The following FAT4 variants were observed in gnomAD, a reference collection of about 807,000 sequenced individuals.
FAT4 encodes protocadherin Fat 4.
A neutral mutation model predicts 303.9 loss-of-function variants in FAT4; 84 were observed. The ratio of observed to expected loss-of-function variants is 0.28; its 90% CI spans 0.23 to 0.33. FAT4 has a LOEUF of 0.33. Among genes scored for constraint, FAT4 ranks in the 10% least tolerant of loss-of-function variants. The pLI, the probability that FAT4 is intolerant of heterozygous loss-of-function variation, is 1.00. For missense variants in FAT4, 6,005 were observed against 6,146.8 expected, an observed-to-expected ratio of 0.98 and a Z score of 0.77; for synonymous variants, 2,307 against 2,298.8, an observed-to-expected ratio of 1.00 and a Z score of -0.10.
At chr4:125,373,742 C>T (rs759882331) in intron 2 of FAT4, among the ~76,000 whole-genome samples, 1 of 152,018 alleles carries the variant, frequency 6.6e-6, no homozygotes, top group Non-Finnish European at 1.5e-5. Flanking sequence ...AACAGGGGCA[C>T]AGGGAGGCAA....
chr4:125,317,885 A>G lies in FAT4; in HGVS notation c.1474A>G (p.Ser492Gly). 1 of 1,614,136 alleles carries G rather than the reference A, an allele frequency of 6.2e-7. No homozygotes were observed. The highest frequency in any genetic ancestry group is 8.5e-7 in the Non-Finnish European group (1 of 1,179,996). ...VNLSEEAPPG[S>G]YVSGISATDG... Reference sequence around the variant, plus strand: ...CCTGAGCGAGGAGGCGCCTCCGGGAAGCTATGTGAGTGGGATATCTGCCAC... The same window carrying G: ...CCTGAGCGAGGAGGCGCCTCCGGGAGGCTATGTGAGTGGGATATCTGCCAC... Residue 492 changes from serine (S) to glycine (G), a missense_variant, in exon 2 of 18, where the codon AGC (serine) becomes GGC (glycine). Ser to Gly is a moderately conservative substitution (Grantham distance 56). Coordinates refer to ENST00000394329, the MANE Select transcript of FAT4 (RefSeq NM_001291303.3). This position sits in a 1 kb window ranked among gnomAD's most constrained non-coding sequence, Gnocchi z 7.0.
chr4:125,441,420 T>C (rs992477811), intron 8 of FAT4, among the ~76,000 whole-genome samples: 1 of 152,160 alleles, frequency 6.6e-6, no homozygotes, highest in African/African-American at 2.4e-5. Context: ...AAAGAAAGTA[T>C]TTCCATATGG....
chr4:125,320,246 C>T lies in FAT4; in HGVS notation c.3835C>T (p.Pro1279Ser), dbSNP rs1730876582. 6.2e-7 allele frequency: 1 copy of T among 1,614,150 alleles called. No individual in the cohort carries two copies. The highest frequency in any genetic ancestry group is 8.5e-7 in the Non-Finnish European group (1 of 1,179,988). The change falls in exon 2 of 18, where the codon CCT (proline) becomes TCT (serine). Residue 1279 changes from proline (P) to serine (S), a missense_variant. Physicochemically the swap from Pro to Ser is moderately conservative, Grantham distance 74 (BLOSUM62 -1). Coordinates refer to ENST00000394329, the MANE Select transcript of FAT4 (RefSeq NM_001291303.3). ...TGGCAAATTAGACTATGAAGCAACA[C>T]CTGCCTATTCCCTTGTAATTCAAGC... The part of the protein sequence containing the change: ...LIGKLDYEAT[P>S]AYSLVIQAVD...
rs1276494680 is a variant in FAT4 at position 125,436,198 on chromosome 4, A to AG, written c.7199+1773_7199+1774insG. ...TAGAACTTAAAGTATAATAATAAAA[A>AG]AAAAACAAAGAAATTGGACGTGAGA... On this transcript the variant is annotated intron_variant, in intron 8 of 17. Coordinates refer to ENST00000394329, the MANE Select transcript of FAT4 (RefSeq NM_001291303.3). Among the ~76,000 whole-genome samples, 3 of 151,844 alleles carry AG rather than the reference A, an allele frequency of 2.0e-5. No individual in the cohort carries two copies. In the East Asian group the frequency reaches 5.8e-4, roughly 29 times the overall value.
chr4:125,420,212 C>T (rs1411084082), intron 7 of FAT4, among the ~76,000 whole-genome samples: 5 of 152,248 alleles, frequency 3.3e-5, no homozygotes, highest in Admixed American at 2.6e-4. Flanking sequence ...TTGTGTTCTT[C>T]TACATAAAAT....
rs34261234 is a variant in FAT4, at chr4:125,477,544, CAT to C, written c.12479+229_12479+230del. The C allele has an allele frequency of 0.055, 18,826 of 344,974 alleles. 649 individuals are homozygous for C. The highest frequency in any genetic ancestry group is 0.17 in the African/African-American group (7,611 of 45,116). 21.4% of individuals were successfully genotyped at this position (344,974 alleles called of 1,614,324 possible). On this transcript the variant is annotated intron_variant, in intron 14 of 17. Coordinates refer to ENST00000394329, the MANE Select transcript of FAT4 (RefSeq NM_001291303.3). ...ATTAATATGTTTCTAGATTCTTATACATATATATATATATATATATGCATGTG... is the reference window on the plus strand; with the variant it reads ...ATTAATATGTTTCTAGATTCTTATACATATATATATATATATATGCATGTG...
chr4:125,341,816 T>G (rs1038675345), intron 2 of FAT4, among the ~76,000 whole-genome samples: 41 of 151,994 alleles, frequency 2.7e-4, no homozygotes, highest in African/African-American at 9.9e-4. Context: ...ATAAAGACAT[T>G]TGACATTTTA....
rs1726020627 is a variant in FAT4 at position 125,450,544 on chromosome 4, T to C, written c.9534T>C (p.Gly3178=). The C allele has an allele frequency of 6.2e-7, 1 of 1,614,018 alleles. No homozygotes were observed. The highest frequency in any genetic ancestry group is 1.7e-5 in the Admixed American group (1 of 59,986). ...ATGGAGGATGGGTTGCAAGAACTGGTTACTGCAGTGTGACCGTAAATGTGA... is the reference window on the plus strand; with the variant it reads ...ATGGAGGATGGGTTGCAAGAACTGGCTACTGCAGTGTGACCGTAAATGTGA... The part of the protein sequence containing the change: ...AIDGGWVART[G]YCSVTVNVID... The change falls in exon 10 of 18, where the codon GGT becomes GGC. Residue 3178 remains glycine, a synonymous_variant. Transcript: ENST00000394329.
chr4:125,385,026 T>TATATA (rs1560790810), intron 2 of FAT4, among the ~76,000 whole-genome samples: 100 of 52,846 alleles, frequency 1.9e-3, no homozygotes, highest in Middle Eastern at 0.011. Context: ...ATATATATAT[T>TATATA]TTTTTTTTTT....
In FAT4 at chr4:125,370,923, G is replaced by A. The variant is rs2663255; in HGVS notation, c.5176-27861G>A. 9.6e-3 allele frequency among the ~76,000 whole-genome samples: 1,456 copies of A among 151,992 alleles called. 21 individuals carry two copies. Among genetic ancestry groups the A allele is most frequent in the African/African-American group, 0.034 (1,390 of 41,478 alleles). On this transcript the variant is annotated intron_variant, in intron 2 of 17. Transcript: ENST00000394329. ...CACTTTGGGAGGCCAAGGCAGGCGG[G>A]TCACCTGAGGTCAGGAGTTCGAAAC...
chr4:125,361,341 G>A (rs1056658540), intron 2 of FAT4, among the ~76,000 whole-genome samples: 2 of 152,210 alleles, frequency 1.3e-5, no homozygotes, highest in African/African-American at 4.8e-5. Context: ...GGAATAAAAA[G>A]AATGAGATCC....
intron 2 of FAT4, among the ~76,000 whole-genome samples, chr4:125,383,868 A>G (rs536108911): frequency 5.8e-4 from 88 of 152,286 alleles, no homozygotes; most frequent in Admixed American, 2.6e-3. Context: ...AATCCATGGA[A>G]ATCCTTTTTA....
chr4:125,489,868 T>G (rs1022137497), intron 17 of FAT4, 33 bp from the exon 18 acceptor site: 15 of 1,004,880 alleles, frequency 1.5e-5, no homozygotes, highest in South Asian at 1.1e-4. Flanking sequence ...TTTTTTTTTT[T>G]GTAAAAAGCC....
At chr4:125,444,412 C>T (rs565644465) in intron 8 of FAT4, among the ~76,000 whole-genome samples, 75 of 152,196 alleles carry the variant, frequency 4.9e-4, no homozygotes, top group African/African-American at 1.8e-3. Context: ...CTCCCACTTC[C>T]GTGATAATGG....
At position 125,408,636 on chromosome 4, in the gene FAT4, G is replaced by T. The variant is rs368061055; in HGVS notation, c.5762G>T (p.Gly1921Val). The T allele has an allele frequency of 3.1e-6, 5 of 1,611,496 alleles. No individual in the cohort carries two copies. The South Asian group carries it at 4.4e-5, about 14-fold the overall frequency. Residue 1921 changes from glycine to valine, a missense_variant, in exon 5 of 18, where the codon GGT becomes GTT. Coordinates refer to ENST00000394329, the MANE Select transcript of FAT4 (RefSeq NM_001291303.3). ...YYILTVRAED[G>V]GGQFTTIRVY... ...ATCCTCACTGTTCGAGCAGAAGATGGTGGGGGACAATTTACTACCATCAGA... is the reference window on the plus strand; with the variant it reads ...ATCCTCACTGTTCGAGCAGAAGATGTTGGGGGACAATTTACTACCATCAGA...
chr4:125,459,621 G>A (rs1391200113), intron 10 of FAT4, among the ~76,000 whole-genome samples: 1 of 152,046 alleles, frequency 6.6e-6, no homozygotes, highest in Non-Finnish European at 1.5e-5. Context: ...CTAAACAGCT[G>A]CTATGGCAGT....
intron 12 of FAT4, 74 bp downstream of exon 12, chr4:125,468,893 C>A: frequency 3.5e-6 from 5 of 1,432,234 alleles, no homozygotes; most frequent in Non-Finnish European, 4.7e-6. Context: ...GGGTGCAAAT[C>A]ATGTTAAATT....
chr4:125,430,428 G>A (rs1345563079), intron 7 of FAT4, among the ~76,000 whole-genome samples: 1 of 152,114 alleles, frequency 6.6e-6, no homozygotes, highest in African/African-American at 2.4e-5. Context: ...GTAGTGGGAT[G>A]GAGGGTTGGT....
chr4:125,329,428 C>G (rs947554636), intron 2 of FAT4, among the ~76,000 whole-genome samples: 5 of 152,184 alleles, frequency 3.3e-5, no homozygotes, highest in African/African-American at 1.2e-4. Context: ...TCATCATATT[C>G]TGTGACTTTT....
Sources: allele counts gnomAD v4.1 joint callset (sites outside exome capture counted in the v4.1 genomes callset), GRCh38; gene constraint gnomAD v4.1.1; non-coding constraint Gnocchi (gnomAD v3.1); transcripts MANE v1.5; gene names NCBI Gene and HGNC (gene_info 2026-07-23, HGNC 2026-07-21).